The following ADGB variants were observed in gnomAD, a reference collection of about 807,000 sequenced individuals.
ADGB encodes the protein calpain-7-like protein.
Under a neutral mutation model 210.5 loss-of-function variants are expected in ADGB, and 172 were observed. That is an observed-to-expected ratio of 0.82 (90% CI 0.72 to 0.93). The LOEUF (loss-of-function observed/expected upper bound fraction) is 0.93, where lower values mean the gene tolerates loss of function less well. Ranked by LOEUF, ADGB falls within the 40% of genes least tolerant of loss-of-function variation. The probability of loss-of-function intolerance (pLI) is 0.00; values close to 1 mark genes in which losing one functional copy is unlikely to be tolerated. For synonymous variants in ADGB, 658 were observed against 662.7 expected, an observed-to-expected ratio of 0.99 and a Z score of 0.11; for missense variants, 2,025 against 1,964.8, an observed-to-expected ratio of 1.03 and a Z score of -0.58.
intron 9 of ADGB, among the ~76,000 whole-genome samples, chr6:146,680,997 T>C (rs1776149784): frequency 6.6e-6 from 1 of 152,182 alleles, no homozygotes; most frequent in South Asian, 2.1e-4. Flanking sequence ...GCAAGGTGTT[T>C]GAAGTAAAAA....
chr6:146,603,583 A>G lies in ADGB; in HGVS notation c.74+4469A>G, dbSNP rs186404696. 2.6e-3 allele frequency among the ~76,000 whole-genome samples: 395 copies of G among 152,358 alleles called. 2 individuals carry two copies. The highest frequency in any genetic ancestry group is 8.6e-3 in the African/African-American group (359 of 41,592). ...AATCTGTTAAACTAACAGGAACCAT[A>G]TAGCCTTGTAGATTTGTAATTATAA... On this transcript the variant is annotated intron_variant, in intron 1 of 35. Coordinates refer to ENST00000397944, the MANE Select transcript of ADGB (RefSeq NM_024694.4).
intron 17 of ADGB, among the ~76,000 whole-genome samples, chr6:146,721,825 T>C (rs1028380009): frequency 2.0e-5 from 3 of 151,872 alleles, no homozygotes; most frequent in Admixed American, 2.0e-4. Context: ...GCAACAAGAG[T>C]GAAACTCTCT....
rs369800905 is a variant in ADGB at position 146,737,857 on chromosome 6, A to G, written c.2888+1266A>G. 2.0e-5 allele frequency among the ~76,000 whole-genome samples: 3 copies of G among 152,180 alleles called. No individual in the cohort carries two copies. In the East Asian group the frequency reaches 5.8e-4, roughly 29 times the overall value. On this transcript the variant is annotated intron_variant, in intron 23 of 35. Transcript: ENST00000397944. ...TTCTTCTCCATGTGATCTTTCCACT[A>G]CAGCCAAGACCATTTCATGGAATCT...
intron 29 of ADGB, among the ~76,000 whole-genome samples, chr6:146,779,209 T>A (rs1216127675): frequency 6.6e-6 from 1 of 152,184 alleles, no homozygotes; most frequent in Non-Finnish European, 1.5e-5. Context: ...AGACTCCACT[T>A]AAAAGCTGAA....
intron 23 of ADGB, among the ~76,000 whole-genome samples, chr6:146,739,108 C>A (rs1317484998): frequency 1.3e-5 from 2 of 152,118 alleles, no homozygotes; most frequent in African/African-American, 4.8e-5. Context: ...GGAACAGTGA[C>A]AGTCTGGGAA....
rs71552958 is a variant in ADGB, at chr6:146,766,430, A to AAAATTAAATTAAATTAAATT, written c.3750+2354_3750+2373dup. Among the ~76,000 whole-genome samples the AAAATTAAATTAAATTAAATT allele has an allele frequency of 4.5e-4, 63 of 139,444 alleles. 1 individual carries two copies. Among genetic ancestry groups the AAAATTAAATTAAATTAAATT allele is most frequent in the East Asian group, 3.0e-3 (14 of 4,612 alleles). 91.5% of individuals were successfully genotyped at this position (139,444 alleles called of 152,430 possible). A position where few individuals can be genotyped will look rare whatever the true frequency, so the allele number is the denominator to read the frequency against. ...CGACAGAGCGAGGCTCTGTCTCAGT[A>AAAATTAAATTAAATTAAATT]AAATTAAATTAAATTAAATTAAATT... On this transcript the variant is annotated intron_variant, in intron 28 of 35. Transcript: ENST00000397944.
intron 29 of ADGB, among the ~76,000 whole-genome samples, chr6:146,772,248 G>A (rs1176135312): frequency 6.6e-6 from 1 of 151,870 alleles, no homozygotes; most frequent in Non-Finnish European, 1.5e-5. Flanking sequence ...CAATCATGAA[G>A]AGGTATTTGT....
intron 26 of ADGB, among the ~76,000 whole-genome samples, chr6:146,748,877 G>T (rs1424904457): frequency 6.6e-6 from 1 of 152,138 alleles, no homozygotes; most frequent in African/African-American, 2.4e-5. Context: ...ACAGTGCTCA[G>T]TCCTAAATTT....
At chr6:146,687,892 A>G (rs367777801) in intron 10 of ADGB, among the ~76,000 whole-genome samples, 166 of 152,256 alleles carry the variant, frequency 1.1e-3, no homozygotes, top group African/African-American at 3.9e-3. Context: ...TAAAAGCATT[A>G]CAAAAAGAAT....
At chr6:146,654,086 T>A in intron 3 of ADGB, 49 bp from the exon 4 acceptor site, 1 of 1,235,682 alleles carries the variant, frequency 8.1e-7, no homozygotes, top group South Asian at 1.5e-5. Context: ...TAAATTACTT[T>A]TTTATTATTT....
rs1396441703 is a variant in ADGB at position 146,815,184 on chromosome 6, C to A, written c.4971C>A (p.Asp1657Glu). The stretch of plus-strand genomic sequence containing the variant: ...CAGAAAAGATGACCCCAGCTCCTGA[C>A]ACACAGAAAAAAAAGAAAGGAAAGA... ...LETEKMTPAP[D>E]TQKKKKGKKK is the part of the protein sequence containing the mutation. Residue 1657 changes from aspartate to glutamate, a missense_variant, in exon 36 of 36, where the codon GAC becomes GAA. Coordinates refer to ENST00000397944, the MANE Select transcript of ADGB (RefSeq NM_024694.4). 7 of 1,508,654 alleles carry A rather than the reference C, an allele frequency of 4.6e-6. No homozygotes were observed. In the East Asian group the frequency reaches 1.3e-4, roughly 27 times the overall value. The allele number at this position is 1,508,654 out of a possible 1,614,324, so 93.5% of individuals were successfully genotyped here.
chr6:146,803,610 A>G, intron 35 of ADGB: 1 of 1,342,628 alleles, frequency 7.4e-7, no homozygotes, highest in South Asian at 1.2e-5. Flanking sequence ...TGTTCTTATC[A>G]GTGAAATTAG....
intron 32 of ADGB, among the ~76,000 whole-genome samples, chr6:146,786,358 T>C (rs1777874164): frequency 6.6e-6 from 1 of 151,870 alleles, no homozygotes; most frequent in African/African-American, 2.4e-5. Flanking sequence ...CTTGACTGAT[T>C]ACATCGATTG....
At chr6:146,814,391 G>A (rs1354972276) in intron 35 of ADGB, among the ~76,000 whole-genome samples, 2 of 152,200 alleles carry the variant, frequency 1.3e-5, no homozygotes, top group Non-Finnish European at 2.9e-5. Flanking sequence ...AAAGGTGACT[G>A]AATAGGAGCA....
At chr6:146,614,036 A>G (rs1780749574) in intron 1 of ADGB, among the ~76,000 whole-genome samples, 1 of 152,156 alleles carries the variant, frequency 6.6e-6, no homozygotes, top group Non-Finnish European at 1.5e-5. Context: ...TTTATTGCAT[A>G]TGACTAGGTA....
intron 1 of ADGB, among the ~76,000 whole-genome samples, chr6:146,626,765 G>C (rs999548158): frequency 6.6e-6 from 1 of 150,502 alleles, no homozygotes; most frequent in African/African-American, 2.4e-5. Flanking sequence ...AGTCTTTCTC[G>C]AGTTTGAGTT....
At chr6:146,724,528 T>A in intron 18 of ADGB, 1 of 395,534 alleles carries the variant, frequency 2.5e-6, no homozygotes, top group Non-Finnish European at 4.4e-6. Context: ...GAATATCCCT[T>A]TGGGAGATTC....
chr6:146,757,222 A>C, intron 27 of ADGB, among the ~76,000 whole-genome samples: 1 of 152,036 alleles, frequency 6.6e-6, no homozygotes, highest in East Asian at 1.9e-4. Context: ...AATTATATAA[A>C]TATTTTCAAT....
intron 3 of ADGB, among the ~76,000 whole-genome samples, chr6:146,647,951 A>AT (rs1247112466): frequency 6.6e-6 from 1 of 152,066 alleles, no homozygotes; most frequent in Non-Finnish European, 1.5e-5. Flanking sequence ...ATAATTTAAA[A>AT]ATATATATAG....
Sources: allele counts gnomAD v4.1 joint callset (sites outside exome capture counted in the v4.1 genomes callset), GRCh38; gene constraint gnomAD v4.1.1; transcripts MANE v1.5; gene names NCBI Gene and HGNC (gene_info 2026-07-23, HGNC 2026-07-21).